The following CD276 variants were observed in gnomAD, a reference collection of about 807,000 sequenced individuals.
The protein encoded by CD276 is CD276 molecule.
Under a neutral mutation model 50.0 loss-of-function variants are expected in CD276, and 34 were observed. That is an observed-to-expected ratio of 0.68 (90% confidence interval 0.52 to 0.91). The LOEUF (loss-of-function observed/expected upper bound fraction) is 0.91. Among genes scored for constraint, CD276 ranks in the 40% least tolerant of loss-of-function variants. The pLI is 0.00. For missense variants in CD276, 634 were observed against 717.5 expected (o/e 0.88, Z 1.33); for synonymous variants, 275 against 313.0 (o/e 0.88, Z 1.28).
chr15:73,702,589 G>T lies in CD276; in HGVS notation c.414G>T (p.Val138=). The change falls in exon 3 of 10, where the codon GTG becomes GTT. Residue 138 remains valine (V), a synonymous_variant. Transcript: ENST00000318443. ...GCAGCGCTGCCGTCAGCCTGCAGGTGGCCGGTGAGCACCAGGAGGGGGACG... is the reference window on the plus strand; with the variant it reads ...GCAGCGCTGCCGTCAGCCTGCAGGTTGCCGGTGAGCACCAGGAGGGGGACG... ...DFGSAAVSLQ[V]AAPYSKPSMT... 6.2e-7 allele frequency: 1 copy of T among 1,605,846 alleles called. No homozygotes were observed. Among genetic ancestry groups the T allele is most frequent in the Non-Finnish European group, 8.5e-7 (1 of 1,177,068 alleles).
chr15:73,708,559 A>G, intron 7 of CD276, 86 bp downstream of exon 7: 1 of 1,458,682 alleles, frequency 6.9e-7, no homozygotes, highest in Non-Finnish European at 9.3e-7. Flanking sequence ...ATAGAGTGTC[A>G]CTTTCTAGTG....
Position 73,702,388 on chromosome 15 carries a change from T to G in CD276, c.213T>G (p.Asp71Glu), listed in dbSNP as rs747401348. The G allele has an allele frequency of 1.9e-6, 3 of 1,613,740 alleles. No homozygotes were observed. The highest frequency in any genetic ancestry group is 2.5e-6 in the Non-Finnish European group (3 of 1,180,006). ...TCAACCTCATCTGGCAGCTGACAGA[T>G]ACCAAACAGCTGGTGCACAGCTTTG... ...AQLNLIWQLT[D>E]TKQLVHSFAE... Residue 71 changes from aspartate to glutamate, a missense_variant, in exon 3 of 10, where the codon GAT becomes GAG. Physicochemically the swap from Asp to Glu is conservative, Grantham distance 45. Transcript: ENST00000318443.
In CD276 at chr15:73,708,622, T is replaced by C. The variant is rs1477044185; in HGVS notation, c.1504+149T>C. The C allele has an allele frequency of 1.3e-5, 11 of 861,390 alleles. No individual in the cohort carries two copies. In the Admixed American group the frequency reaches 2.6e-4, roughly 20 times the overall value. The allele number at this position is 861,390 out of a possible 1,614,324, so 53.4% of individuals were successfully genotyped here. A position where few individuals can be genotyped will look rare whatever the true frequency, so the allele number is the denominator to read the frequency against. On this transcript the variant is annotated intron_variant, in intron 7 of 9. Transcript: ENST00000318443. ...GGCTGGATTTGTCTGTGTGTGACCT[T>C]GAGTCTACGTCTTGTGTGTGTGAAC...
At chr15:73,689,015 T>A (rs757621355) in intron 1 of CD276, among the ~76,000 whole-genome samples, 3 of 152,178 alleles carry the variant, frequency 2.0e-5, no homozygotes, top group Non-Finnish European at 4.4e-5. Context: ...TGAATGCAGA[T>A]GTGTGTGCCC....
Position 73,713,919 on chromosome 15 carries a change from C to T in CD276, c.*963C>T, listed in dbSNP as rs1901018597. The T allele has an allele frequency of 2.6e-6, 1 of 380,760 alleles. No individual in the cohort carries two copies. Among genetic ancestry groups the T allele is most frequent in the Non-Finnish European group, 5.0e-6 (1 of 199,920 alleles). The allele number at this position is 380,760 out of a possible 1,614,324, so 23.6% of individuals were successfully genotyped here. A position where few individuals can be genotyped will look rare whatever the true frequency, so the allele number is the denominator to read the frequency against. On this transcript the variant is annotated 3_prime_UTR_variant, in exon 10 of 10. Transcript: ENST00000318443. ...CCCTGCGTGGGAAGATAAAGTTCCTCCCTCAAGGACTCCCCATCCAGCTGG... is the reference window on the plus strand; with the variant it reads ...CCCTGCGTGGGAAGATAAAGTTCCTTCCTCAAGGACTCCCCATCCAGCTGG...
intron 1 of CD276, among the ~76,000 whole-genome samples, chr15:73,692,720 T>C (rs1217746657): frequency 6.6e-6 from 1 of 152,268 alleles, no homozygotes; most frequent in Non-Finnish European, 1.5e-5. Context: ...TCTCCATTCA[T>C]ATTGCATGCA....
At chr15:73,686,204 C>T (rs1217464308) in intron 1 of CD276, 1 of 639,656 alleles carries the variant, frequency 1.6e-6, no homozygotes, top group Non-Finnish European at 1.9e-6. Context: ...CTTTGGAGTT[C>T]TTCCATGTCC....
In CD276 at chr15:73,696,968, C is replaced by T. The variant is rs147300372; in HGVS notation, c.-54-2618C>T. ...GAAGCAGTGTGGAGAGTGAGGGAGGCGGCCCAGGAAGAACCCACAGGCCTT... is the reference window on the plus strand; with the variant it reads ...GAAGCAGTGTGGAGAGTGAGGGAGGTGGCCCAGGAAGAACCCACAGGCCTT... On this transcript the variant is annotated intron_variant, in intron 1 of 9. Coordinates refer to ENST00000318443, the MANE Select transcript of CD276 (RefSeq NM_001024736.2). 2.5e-3 allele frequency among the ~76,000 whole-genome samples: 379 copies of T among 152,034 alleles called. 4 individuals are homozygous for T. The highest frequency in any genetic ancestry group is 4.6e-3 in the Non-Finnish European group (313 of 67,948).
intron 9 of CD276, among the ~76,000 whole-genome samples, chr15:73,712,602 G>A (rs1900949049): frequency 6.6e-6 from 1 of 152,226 alleles, no homozygotes; most frequent in South Asian, 2.1e-4. Context: ...GAGGGTGGAT[G>A]GGATGGACAA....
chr15:73,692,834 A>T (rs776455314), intron 1 of CD276, among the ~76,000 whole-genome samples: 1 of 152,268 alleles, frequency 6.6e-6, no homozygotes, highest in African/African-American at 2.4e-5. Context: ...TTTATGGGGA[A>T]GATGGTAGAT....
Position 73,702,527 on chromosome 15 carries a change from G to A in CD276, c.352G>A (p.Gly118Ser). ...GCAGCGCGTGCGTGTGGCGGACGAG[G>A]GCAGCTTCACCTGCTTCGTGAGCAT... ...RLQRVRVADE[G>S]SFTCFVSIRD... The change falls in exon 3 of 10, where the codon GGC becomes AGC. Residue 118 changes from glycine to serine, a missense_variant. Coordinates refer to ENST00000318443, the MANE Select transcript of CD276 (RefSeq NM_001024736.2). 6.2e-7 allele frequency: 1 copy of A among 1,612,712 alleles called. No individual in the cohort carries two copies. Among genetic ancestry groups the A allele is most frequent in the Non-Finnish European group, 8.5e-7 (1 of 1,179,936 alleles).
intron 9 of CD276, among the ~76,000 whole-genome samples, chr15:73,712,677 T>C (rs1189820748): frequency 3.9e-5 from 6 of 152,064 alleles, no homozygotes; most frequent in African/African-American, 1.4e-4. Context: ...TATCGGGCTG[T>C]GGGCCTGTGG....
chr15:73,703,923 C>A lies in CD276; in HGVS notation c.998C>A (p.Ala333Glu). 6.2e-7 allele frequency: 1 copy of A among 1,613,280 alleles called. No individual in the cohort carries two copies. The part of the protein sequence containing the change: ...ASLRLQRVRV[A>E]DEGSFTCFVS... ...CTGAGGCTGCAGCGCGTGCGTGTGG[C>A]GGACGAGGGCAGCTTCACCTGCTTC... is the stretch of plus-strand genomic sequence containing the variant. Residue 333 changes from alanine to glutamate, a missense_variant, in exon 5 of 10, where the codon GCG becomes GAG. By Grantham distance (107) the Ala-to-Glu change is moderately radical. Coordinates refer to ENST00000318443, the MANE Select transcript of CD276 (RefSeq NM_001024736.2).
intron 2 of CD276, among the ~76,000 whole-genome samples, chr15:73,702,009 G>A (rs528946899): frequency 1.1e-4 from 17 of 152,368 alleles, no homozygotes; most frequent in African/African-American, 2.9e-4. Flanking sequence ...CCATTAAAAT[G>A]TAAGTTCTGT....
At chr15:73,690,577 C>G in intron 1 of CD276, 2 of 398,708 alleles carry the variant, frequency 5.0e-6, no homozygotes, top group Non-Finnish European at 1.0e-5. Context: ...GGCATGTGAG[C>G]GTGCAGTACA....
At chr15:73,710,992 C>T (rs1428503613) in intron 8 of CD276, 143 bp from the exon 9 acceptor site, 15 of 757,864 alleles carry the variant, frequency 2.0e-5, no homozygotes, top group Non-Finnish European at 2.7e-5. Flanking sequence ...CAACCTAGGG[C>T]CCCTTCCCTT....
intron 7 of CD276, 105 bp downstream of exon 7, chr15:73,708,578 A>T (rs757986559): frequency 5.7e-5 from 77 of 1,352,352 alleles, no homozygotes; most frequent in Non-Finnish European, 6.9e-5. Flanking sequence ...TGACAGAACG[A>T]GTGTGTGTGT....
chr15:73,708,262 A>T, intron 6 of CD276, 77 bp from the exon 7 acceptor site: 1 of 1,547,072 alleles, frequency 6.5e-7, no homozygotes, highest in Non-Finnish European at 8.8e-7. Flanking sequence ...CCCTGTTCAC[A>T]CTTGGAGCCA....
chr15:73,697,153 G>GGTGCCT (rs1281465256), intron 1 of CD276, among the ~76,000 whole-genome samples: 1 of 152,190 alleles, frequency 6.6e-6, no homozygotes, highest in East Asian at 1.9e-4. Flanking sequence ...GGCAGGATGT[G>GGTGCCT]GTGCCTGCCA....
Sources: gnomAD v4.1 joint callset for allele counts (sites outside exome capture counted in the v4.1 genomes callset) on GRCh38, gnomAD v4.1.1 for gene constraint, MANE v1.5 for transcripts, NCBI Gene and HGNC (gene_info 2026-07-23, HGNC 2026-07-21) for gene names.